CARMIL1: variants seen among roughly 807,000 people sequenced by gnomAD.
CARMIL1 encodes the protein F-actin-uncapping protein LRRC16A.
CARMIL1 carries 90 observed loss-of-function variants against 177.1 expected under a neutral mutation model. The observed-to-expected ratio is 0.51, with a 90% CI of 0.43 to 0.61. The LOEUF is 0.61. Ranked by LOEUF, CARMIL1 falls within the 20% of genes least tolerant of loss-of-function variation. The pLI is 0.00. For missense variants in CARMIL1, 1,380 were observed against 1,667.0 expected, an observed-to-expected ratio of 0.83 and a Z score of 3.00; for synonymous variants, 577 against 606.2, an observed-to-expected ratio of 0.95 and a Z score of 0.71.
intron 2 of CARMIL1, among the ~76,000 whole-genome samples, chr6:25,414,658 A>G (rs1795213037): frequency 6.6e-6 from 1 of 152,162 alleles, no homozygotes; most frequent in Admixed American, 6.5e-5. Flanking sequence ...CTGACTTGTA[A>G]CAGTAGTATT....
chr6:25,443,960 C>G (rs56090310), intron 5 of CARMIL1, among the ~76,000 whole-genome samples: 3 of 151,952 alleles, frequency 2.0e-5, no homozygotes, highest in African/African-American at 7.3e-5. Context: ...TGCACCACCA[C>G]GCCCGAATAA....
chr6:25,407,404 C>T (rs959255089), intron 2 of CARMIL1, among the ~76,000 whole-genome samples: 35 of 114,350 alleles, frequency 3.1e-4, no homozygotes, highest in African/African-American at 1.2e-3. Context: ...AAGGGACGGG[C>T]ATTTATCTCC....
Position 25,326,464 on chromosome 6 carries a change from A to G in CARMIL1, c.138+41555A>G, listed in dbSNP as rs933145525. ...AATGATTACTGAGGCTTCTAAGTAG[A>G]GCATTACACTGTTAACAGTAGTGGG... On this transcript the variant is annotated intron_variant, in intron 2 of 36. Coordinates refer to ENST00000329474, the MANE Select transcript of CARMIL1 (RefSeq NM_017640.6). The surrounding 1 kb of genome is among the most constrained non-coding windows in gnomAD (Gnocchi z 4.2). 2.0e-5 allele frequency among the ~76,000 whole-genome samples: 3 copies of G among 152,192 alleles called. No homozygotes were observed. The highest frequency in any genetic ancestry group is 1.3e-4 in the Admixed American group (2 of 15,274).
At chr6:25,283,637 A>G (rs190239474) in intron 1 of CARMIL1, among the ~76,000 whole-genome samples, 2 of 152,176 alleles carry the variant, frequency 1.3e-5, no homozygotes, top group East Asian at 1.9e-4. Context: ...TCTTGGGGGT[A>G]TTGTGCTGTC....
chr6:25,573,841 ATGTGAGGTT>A (rs1187003446), intron 29 of CARMIL1, among the ~76,000 whole-genome samples: 1 of 152,126 alleles, frequency 6.6e-6, no homozygotes, highest in East Asian at 1.9e-4. Context: ...AATCCCTTAC[ATGTGAGGTT>A]CATGATAAAG....
chr6:25,408,262 C>G (rs1023532773), intron 2 of CARMIL1, among the ~76,000 whole-genome samples: 1 of 147,774 alleles, frequency 6.8e-6, no homozygotes, highest in African/African-American at 2.5e-5. Flanking sequence ...CACTCCAGCC[C>G]GGGTGACAGT....
intron 2 of CARMIL1, among the ~76,000 whole-genome samples, chr6:25,375,384 G>T (rs1226494150): frequency 6.6e-6 from 1 of 152,176 alleles, no homozygotes; most frequent in Non-Finnish European, 1.5e-5. Flanking sequence ...TTCCCCTGTA[G>T]GTTACCTGAT....
At chr6:25,555,723 T>C (rs1255209166) in intron 28 of CARMIL1, among the ~76,000 whole-genome samples, 1 of 151,822 alleles carries the variant, frequency 6.6e-6, no homozygotes, top group East Asian at 1.9e-4. Context: ...AATAAACTTA[T>C]TTTAGAAACA....
rs111910316 is a variant in CARMIL1 at position 25,294,919 on chromosome 6, C to A, written c.138+10010C>A. On this transcript the variant is annotated intron_variant, in intron 2 of 36. Transcript: ENST00000329474. ...TTTAATGGGCTCCTGTGGATTGTGC[C>A]TTTTGAAGAGGGTATGGAGCCTGTG... Among the ~76,000 whole-genome samples the A allele has an allele frequency of 6.6e-3, 1,001 of 152,258 alleles. 13 individuals carry two copies. Among genetic ancestry groups the A allele is most frequent in the African/African-American group, 0.022 (924 of 41,552 alleles).
chr6:25,306,381 G>A (rs550777940), intron 2 of CARMIL1, among the ~76,000 whole-genome samples: 1 of 152,168 alleles, frequency 6.6e-6, no homozygotes, highest in South Asian at 2.1e-4. Flanking sequence ...TCATAGTTAC[G>A]AGAACCCTGT....
At chr6:25,371,944 G>C (rs1790465180) in intron 2 of CARMIL1, among the ~76,000 whole-genome samples, 1 of 152,086 alleles carries the variant, frequency 6.6e-6, no homozygotes, top group East Asian at 1.9e-4. Context: ...GAGAGATAGG[G>C]ATCCAGTTTC....
chr6:25,512,184 GA>G (rs1191201642), intron 20 of CARMIL1, among the ~76,000 whole-genome samples: 4 of 152,068 alleles, frequency 2.6e-5, no homozygotes, highest in African/African-American at 4.8e-5. Context: ...GTATTTTTAT[GA>G]AAAGTACATA....
At chr6:25,330,238 A>G (rs1337541954) in intron 2 of CARMIL1, among the ~76,000 whole-genome samples, 1 of 152,216 alleles carries the variant, frequency 6.6e-6, no homozygotes, top group Non-Finnish European at 1.5e-5. Flanking sequence ...GGCCCAGTGC[A>G]GGGCTAGAGG....
chr6:25,377,018 C>T (rs181331839), intron 2 of CARMIL1, among the ~76,000 whole-genome samples: 30 of 152,292 alleles, frequency 2.0e-4, no homozygotes, highest in Admixed American at 5.2e-4. Context: ...TTTTCATCTG[C>T]AGGAATGTTG....
intron 8 of CARMIL1, among the ~76,000 whole-genome samples, chr6:25,459,777 AT>A (rs1376219989): frequency 6.6e-6 from 1 of 152,194 alleles, no homozygotes; most frequent in African/African-American, 2.4e-5. Flanking sequence ...TTTTGCTACC[AT>A]TTTAAGGAAA....
intron 2 of CARMIL1, chr6:25,287,551 T>A (rs1472624891): frequency 6.5e-6 from 1 of 152,864 alleles, no homozygotes; most frequent in Admixed American, 6.5e-5. Flanking sequence ...TAATAGCTAA[T>A]ATTTATTAAA....
At chr6:25,290,369 C>CT (rs910242856) in intron 2 of CARMIL1, among the ~76,000 whole-genome samples, 4,864 of 95,198 alleles carry the variant, frequency 0.051, 245 homozygotes, top group African/African-American at 0.13. Flanking sequence ...TGCTGGGATT[C>CT]TTTTTTTTTT....
At chr6:25,311,394 G>A (rs557951402) in intron 2 of CARMIL1, among the ~76,000 whole-genome samples, 22 of 152,280 alleles carry the variant, frequency 1.4e-4, no homozygotes, top group African/African-American at 5.3e-4. Flanking sequence ...GACTGGCTTA[G>A]TCACTGACTG....
intron 2 of CARMIL1, among the ~76,000 whole-genome samples, chr6:25,296,935 T>TCTATCTATCTATCTATCTTTAAC (rs11414122): frequency 7.3e-6 from 1 of 136,342 alleles, no homozygotes; most frequent in Non-Finnish European, 1.6e-5. Context: ...CTATCTATCT[T>TCTATCTATCTATCTATCTTTAAC]TAACTAACTA....
Sources: allele counts gnomAD v4.1 joint callset (sites outside exome capture counted in the v4.1 genomes callset), GRCh38; gene constraint gnomAD v4.1.1; non-coding constraint Gnocchi (gnomAD v3.1); transcripts MANE v1.5; gene names NCBI Gene and HGNC (gene_info 2026-07-23, HGNC 2026-07-21).